RAB38: variants seen among roughly 807,000 people sequenced by gnomAD.
RAB38 encodes RAB38, member RAS oncogene family.
RAB38 carries 15 observed loss-of-function variants against 18.4 expected under a neutral mutation model. The observed-to-expected ratio is 0.82, with a 90% CI of 0.55 to 1.26. The LOEUF (loss-of-function observed/expected upper bound fraction) is 1.26, where lower values mean the gene tolerates loss of function less well. RAB38 is among the 50% of genes most tolerant of loss of function. The pLI is 0.00. For synonymous variants in RAB38, 101 were observed against 104.4 expected, an observed-to-expected ratio of 0.97 and a Z score of 0.20; for missense variants, 294 against 267.4, an observed-to-expected ratio of 1.10 and a Z score of -0.69.
chr11:88,127,981 C>T (rs768869762), intron 2 of RAB38, among the ~76,000 whole-genome samples: 18 of 152,248 alleles, frequency 1.2e-4, no homozygotes, highest in South Asian at 2.1e-4. Flanking sequence ...GCATGTAGTG[C>T]TTACAATGTA....
chr11:87,877,968 G>A, the RAB38 span, among the ~76,000 whole-genome samples: 45 of 151,156 alleles, frequency 3.0e-4, no homozygotes, highest in Non-Finnish European at 5.9e-4. Context: ...GGCACTAAGC[G>A]TGCCTGACTT....
the RAB38 span, chr11:87,815,267 G>A: frequency 6.6e-6 from 1 of 152,176 alleles, no homozygotes; most frequent in African/African-American, 2.4e-5. Context: ...CTGTTAAGAT[G>A]AGAATGGGAG....
chr11:88,025,758 G>C, the RAB38 span, among the ~76,000 whole-genome samples: 119 of 152,184 alleles, frequency 7.8e-4, no homozygotes, highest in African/African-American at 2.8e-3. Flanking sequence ...ATTCCTTATA[G>C]AGTCTGGATA....
the RAB38 span, among the ~76,000 whole-genome samples, chr11:87,814,332 C>T: frequency 6.6e-6 from 1 of 152,044 alleles, no homozygotes; most frequent in East Asian, 1.9e-4. Context: ...TCCATGTTAG[C>T]TAGGTTTGTT....
the RAB38 span, among the ~76,000 whole-genome samples, chr11:87,953,047 T>TTA: frequency 6.6e-6 from 1 of 151,428 alleles, no homozygotes; most frequent in African/African-American, 2.4e-5. Flanking sequence ...AAGTTGATCA[T>TTA]TATGTAAATA....
the RAB38 span, among the ~76,000 whole-genome samples, chr11:87,890,288 A>T: frequency 6.6e-6 from 1 of 151,926 alleles, no homozygotes; most frequent in African/African-American, 2.4e-5. Flanking sequence ...GCCTAAGATT[A>T]AAAGTATTTT....
the RAB38 span, among the ~76,000 whole-genome samples, chr11:88,024,647 C>G: frequency 6.6e-6 from 1 of 152,064 alleles, no homozygotes; most frequent in Non-Finnish European, 1.5e-5. Flanking sequence ...AGTCCATTAG[C>G]AGATGAATGA....
At chr11:87,905,569 C>T in the RAB38 span, among the ~76,000 whole-genome samples, 1 of 151,784 alleles carries the variant, frequency 6.6e-6, no homozygotes, top group African/African-American at 2.4e-5. Flanking sequence ...ACTAGAGTAG[C>T]CTTATTCCTG....
chr11:88,122,385 T>A (rs1942641522), intron 2 of RAB38, among the ~76,000 whole-genome samples: 1 of 152,186 alleles, frequency 6.6e-6, no homozygotes, highest in Non-Finnish European at 1.5e-5. Flanking sequence ...AAAGAAAGAA[T>A]AAAGATAAGC....
At chr11:88,015,787 A>G in the RAB38 span, among the ~76,000 whole-genome samples, 1 of 152,130 alleles carries the variant, frequency 6.6e-6, no homozygotes, top group Non-Finnish European at 1.5e-5. Flanking sequence ...CTTAGAGAAG[A>G]AAAATGTTTC....
At chr11:88,111,367 C>G (rs1277540397), downstream of RAB38, among the ~76,000 whole-genome samples, 2 of 152,032 alleles carry the variant, frequency 1.3e-5, no homozygotes, top group African/African-American at 4.8e-5. Context: ...GTGAATGACC[C>G]TTGTCTGTAT....
At chr11:87,892,801 A>G in the RAB38 span, among the ~76,000 whole-genome samples, 1 of 151,778 alleles carries the variant, frequency 6.6e-6, no homozygotes, top group Admixed American at 6.6e-5. Flanking sequence ...CTTCACTGGG[A>G]TTAGCCCAAT....
chr11:87,972,891 G>T, the RAB38 span, among the ~76,000 whole-genome samples: 6 of 151,990 alleles, frequency 3.9e-5, no homozygotes, highest in Non-Finnish European at 5.9e-5. Context: ...GATCATGGGG[G>T]CAGGTTTCCC....
chr11:87,967,686 C>T, the RAB38 span, among the ~76,000 whole-genome samples: 1 of 152,180 alleles, frequency 6.6e-6, no homozygotes, highest in African/African-American at 2.4e-5. Flanking sequence ...ACATTACTGA[C>T]ATTCCTGCCT....
At chr11:87,897,488 A>AGT in the RAB38 span, among the ~76,000 whole-genome samples, 1 of 151,606 alleles carries the variant, frequency 6.6e-6, no homozygotes, top group Non-Finnish European at 1.5e-5. Context: ...AATATTGAAC[A>AGT]GTGTTAAGAG....
chr11:87,927,894 T>A, the RAB38 span, among the ~76,000 whole-genome samples: 2 of 151,902 alleles, frequency 1.3e-5, no homozygotes, highest in African/African-American at 4.8e-5. Flanking sequence ...TAGTGAGACC[T>A]GTCTCTACAC....
At chr11:88,103,811 G>A in the RAB38 span, among the ~76,000 whole-genome samples, 13 of 152,220 alleles carry the variant, frequency 8.5e-5, no homozygotes, top group South Asian at 2.1e-4. Flanking sequence ...GTCAGTAGAG[G>A]GTGCTAGTGA....
chr11:88,004,002 A>G, the RAB38 span, among the ~76,000 whole-genome samples: 5 of 126,946 alleles, frequency 3.9e-5, no homozygotes, highest in African/African-American at 6.0e-5. Context: ...TATATATATA[A>G]AAAAGGTATA....
chr11:88,131,202 G>A (rs1225123441), intron 2 of RAB38, among the ~76,000 whole-genome samples: 1 of 152,102 alleles, frequency 6.6e-6, no homozygotes, highest in Admixed American at 6.5e-5. Context: ...TTTACAAATA[G>A]TTCACCATAG....
Sources: allele counts gnomAD v4.1 joint callset (sites outside exome capture counted in the v4.1 genomes callset), GRCh38; gene constraint gnomAD v4.1.1; transcripts MANE v1.5; gene names NCBI Gene and HGNC (gene_info 2026-07-23, HGNC 2026-07-21).